The following ERC2 variants were observed in gnomAD, a reference collection of about 807,000 sequenced individuals.
ERC2 encodes the protein ELKS/RAB6-interacting/CAST family member 2, also known as ERC protein 2.
In ERC2, 42 loss-of-function variants were observed where a neutral mutation model predicts 114.8. The observed-to-expected ratio is 0.37, with a 90% CI of 0.29 to 0.47. ERC2 has a LOEUF of 0.47. ERC2 is among the 20% of genes least tolerant of loss of function. The probability of loss-of-function intolerance (pLI) is 0.99; values close to 1 mark genes in which losing one functional copy is unlikely to be tolerated. For missense variants in ERC2, 939 were observed against 1,150.7 expected, an observed-to-expected ratio of 0.82 and a Z score of 2.66; for synonymous variants, 454 against 425.5, an observed-to-expected ratio of 1.07 and a Z score of -0.82.
chr3:56,239,724 C>T (rs11719222), intron 3 of ERC2, among the ~76,000 whole-genome samples: 40,443 of 152,076 alleles, frequency 0.27, 6,104 homozygotes, highest in Non-Finnish European at 0.33. Flanking sequence ...ACGCGCACTG[C>T]TTAAACAAGT....
intron 6 of ERC2, among the ~76,000 whole-genome samples, chr3:56,128,353 A>G (rs759979250): frequency 1.4e-4 from 22 of 152,156 alleles, no homozygotes; most frequent in Non-Finnish European, 2.8e-4. Context: ...TCTTGTTTAT[A>G]TCTGTGTCTC....
chr3:55,910,828 C>T (rs2064755822), intron 13 of ERC2, among the ~76,000 whole-genome samples: 2 of 152,194 alleles, frequency 1.3e-5, no homozygotes, highest in Admixed American at 6.5e-5. Context: ...TCAGTCTCTA[C>T]AGTCTGATAA....
chr3:55,676,136 T>A (rs2148754224), intron 17 of ERC2, among the ~76,000 whole-genome samples: 1 of 152,040 alleles, frequency 6.6e-6, no homozygotes, highest in Non-Finnish European at 1.5e-5. Context: ...TTGGCCAGGC[T>A]GGTCTTGAAC....
intron 17 of ERC2, among the ~76,000 whole-genome samples, chr3:55,586,744 G>C (rs969193936): frequency 1.3e-5 from 2 of 152,134 alleles, no homozygotes; most frequent in African/African-American, 2.4e-5. Context: ...TTCTTTCTCT[G>C]CATGAGGCAA....
intron 17 of ERC2, among the ~76,000 whole-genome samples, chr3:55,584,878 G>C (rs544639178): frequency 8.5e-5 from 13 of 152,334 alleles, no homozygotes; most frequent in South Asian, 6.2e-4. Flanking sequence ...CAAGCGCATG[G>C]CTTGTCTCAA....
At chr3:56,016,543 G>A (rs866311177) in intron 8 of ERC2, among the ~76,000 whole-genome samples, 10 of 150,932 alleles carry the variant, frequency 6.6e-5, no homozygotes, top group African/African-American at 1.5e-4. Flanking sequence ...TTTACATCAC[G>A]ATGACTTGGG....
chr3:56,380,081 A>G (rs1163436311), intron 2 of ERC2, among the ~76,000 whole-genome samples: 5 of 152,112 alleles, frequency 3.3e-5, no homozygotes, highest in Non-Finnish European at 5.9e-5. Flanking sequence ...CAATTAGCAA[A>G]CAATCAAAAA....
At position 56,434,689 on chromosome 3, in the gene ERC2, C is replaced by T; in HGVS notation, c.319G>A (p.Ala107Thr). ...AGGACATCTGTGTGGGAAAGTCCAG[C>T]AGAAGCAATATTGGGACTACTCCCC... is the stretch of plus-strand genomic sequence containing the variant. ...AMGSSPNIASAGLSHTDVLSY... is the reference protein window; with the variant it reads ...AMGSSPNIASTGLSHTDVLSY... Residue 107 changes from alanine to threonine, a missense_variant, in exon 2 of 18, where the codon GCT (alanine) becomes ACT (threonine). Transcript: ENST00000288221. 6.2e-7 allele frequency: 1 copy of T among 1,613,998 alleles called. No individual in the cohort carries two copies. The highest frequency in any genetic ancestry group is 1.1e-5 in the South Asian group (1 of 91,088).
intron 3 of ERC2, among the ~76,000 whole-genome samples, chr3:56,220,222 G>C (rs2049809248): frequency 6.6e-6 from 1 of 152,116 alleles, no homozygotes; most frequent in Non-Finnish European, 1.5e-5. Context: ...TTATTTCTAT[G>C]TGTTATAATT....
intron 14 of ERC2, among the ~76,000 whole-genome samples, chr3:55,807,965 T>C (rs1575664287): frequency 6.6e-6 from 1 of 152,206 alleles, no homozygotes; most frequent in South Asian, 2.1e-4. Flanking sequence ...AGGGAGCTCA[T>C]GCTTTAGCAT....
intron 17 of ERC2, among the ~76,000 whole-genome samples, chr3:55,537,945 G>A (rs1454195424): frequency 2.0e-5 from 3 of 152,112 alleles, no homozygotes; most frequent in Admixed American, 6.5e-5. Flanking sequence ...AATTGCGGAC[G>A]AGCCCACCAC....
At chr3:55,869,439 CT>C (rs1473445054) in intron 14 of ERC2, among the ~76,000 whole-genome samples, 2 of 152,294 alleles carry the variant, frequency 1.3e-5, no homozygotes, top group African/African-American at 2.4e-5. Context: ...AAGACTCCAT[CT>C]GTTTAATCAT....
intron 7 of ERC2, among the ~76,000 whole-genome samples, chr3:56,075,929 T>A (rs970377924): frequency 1.2e-4 from 18 of 151,924 alleles, no homozygotes; most frequent in East Asian, 5.8e-4. Context: ...TATAAAAAAA[T>A]TTTTTTTTCC....
intron 7 of ERC2, among the ~76,000 whole-genome samples, chr3:56,073,646 G>C (rs2076843217): frequency 6.6e-6 from 1 of 152,180 alleles, no homozygotes; most frequent in Admixed American, 6.6e-5. Context: ...CTGCAAAGTG[G>C]AGCAGCTTCC....
intron 14 of ERC2, among the ~76,000 whole-genome samples, chr3:55,877,324 C>T (rs2062901326): frequency 6.6e-6 from 1 of 152,070 alleles, no homozygotes; most frequent in African/African-American, 2.4e-5. Flanking sequence ...CAGAGAATCA[C>T]TGAATATTAA....
At chr3:56,379,689 C>T (rs2059675880) in intron 2 of ERC2, among the ~76,000 whole-genome samples, 1 of 152,106 alleles carries the variant, frequency 6.6e-6, no homozygotes, top group African/African-American at 2.4e-5. Flanking sequence ...AAATCTTAGT[C>T]TGACATGAGT....
chr3:55,858,191 C>A (rs2061871925), intron 14 of ERC2, among the ~76,000 whole-genome samples: 1 of 152,102 alleles, frequency 6.6e-6, no homozygotes, highest in Non-Finnish European at 1.5e-5. Context: ...GTAAAGATGG[C>A]TAACATTTTA....
chr3:55,772,551 C>T (rs930321471), intron 14 of ERC2, among the ~76,000 whole-genome samples: 1 of 152,220 alleles, frequency 6.6e-6, no homozygotes, highest in African/African-American at 2.4e-5. Flanking sequence ...CTCCTGACCT[C>T]GTGATCCGCC....
intron 13 of ERC2, among the ~76,000 whole-genome samples, chr3:55,902,789 TGC>T (rs929663536): frequency 7.8e-4 from 118 of 152,252 alleles, no homozygotes; most frequent in African/African-American, 2.6e-3. Context: ...CCAGTTACTC[TGC>T]TTCTCACCTG....
Sources: allele counts gnomAD v4.1 joint callset (sites outside exome capture counted in the v4.1 genomes callset), GRCh38; gene constraint gnomAD v4.1.1; transcripts MANE v1.5; gene names NCBI Gene and HGNC (gene_info 2026-07-23, HGNC 2026-07-21).